The following STAM variants were observed in gnomAD, a reference collection of about 807,000 sequenced individuals.
STAM encodes signal transducing adapter molecule 1.
STAM carries 16 observed loss-of-function variants against 63.4 expected under a neutral mutation model. That is an observed-to-expected ratio of 0.25 (90% confidence interval 0.17 to 0.38). STAM has a LOEUF of 0.38. Among genes scored for constraint, STAM ranks in the 10% least tolerant of loss-of-function variants. STAM has a pLI of 1.00. For synonymous variants in STAM, 238 were observed against 223.9 expected, an observed-to-expected ratio of 1.06 and a Z score of -0.56; for missense variants, 636 against 657.1, an observed-to-expected ratio of 0.97 and a Z score of 0.35.
intron 2 of STAM, among the ~76,000 whole-genome samples, chr10:17,670,217 C>T (rs1389286254): frequency 6.6e-6 from 1 of 152,068 alleles, no homozygotes; most frequent in Non-Finnish European, 1.5e-5. Context: ...TCTTTACTTG[C>T]CTAGACAATG....
In STAM at chr10:17,689,178, C is replaced by T. The variant is rs184659172; in HGVS notation, c.444+1005C>T. On this transcript the variant is annotated intron_variant, in intron 5 of 13. Coordinates refer to ENST00000377524, the MANE Select transcript of STAM (RefSeq NM_003473.4). ...CCTATTTCTATTTTGGGTAACCTTCCTTTAGGATGCCCAACTAATCAAGAG... is the reference window on the plus strand; with the variant it reads ...CCTATTTCTATTTTGGGTAACCTTCTTTTAGGATGCCCAACTAATCAAGAG... 5.9e-3 allele frequency among the ~76,000 whole-genome samples: 891 copies of T among 152,244 alleles called. 4 individuals carry two copies. Among genetic ancestry groups the T allele is most frequent in the African/African-American group, 0.019 (791 of 41,540 alleles).
At chr10:17,672,734 C>G (rs1212608909) in intron 2 of STAM, among the ~76,000 whole-genome samples, 2 of 152,118 alleles carry the variant, frequency 1.3e-5, no homozygotes. Flanking sequence ...ATAGTTAAAT[C>G]CCTAATCAAA....
At chr10:17,665,260 T>C (rs1834329160) in intron 2 of STAM, among the ~76,000 whole-genome samples, 1 of 152,190 alleles carries the variant, frequency 6.6e-6, no homozygotes. Context: ...CATATGCATA[T>C]ATATTTATGT....
At chr10:17,663,334 A>G (rs567712141) in intron 2 of STAM, among the ~76,000 whole-genome samples, 17 of 152,216 alleles carry the variant, frequency 1.1e-4, no homozygotes, top group South Asian at 8.3e-4. Context: ...GTTTAGACAC[A>G]TGCTCATTTT....
chr10:17,692,830 A>G (rs1554826939), intron 5 of STAM, among the ~76,000 whole-genome samples: 1 of 151,964 alleles, frequency 6.6e-6, no homozygotes, highest in African/African-American at 2.4e-5. Flanking sequence ...AATAGATACT[A>G]CAGTTTTTTT....
chr10:17,672,988 A>G, intron 2 of STAM: 1 of 980,972 alleles, frequency 1.0e-6, no homozygotes, highest in South Asian at 4.7e-5. Context: ...AGGAAAAGAG[A>G]GGATGTGTCT....
At chr10:17,674,872 G>A (rs2570284) in intron 2 of STAM, among the ~76,000 whole-genome samples, 87,429 of 152,020 alleles carry the variant, frequency 0.58, 25,606 homozygotes, top group African/African-American at 0.68. Flanking sequence ...ATACCATTAG[G>A]AAAAAATAAT....
intron 1 of STAM, among the ~76,000 whole-genome samples, chr10:17,655,996 TTTC>T (rs1383655001): frequency 6.6e-6 from 1 of 152,126 alleles, no homozygotes; most frequent in Non-Finnish European, 1.5e-5. Context: ...TTTTGGTCTT[TTTC>T]TTTATCTTCC....
At chr10:17,661,837 A>C (rs1374339736) in intron 2 of STAM, among the ~76,000 whole-genome samples, 2 of 152,118 alleles carry the variant, frequency 1.3e-5, no homozygotes, top group Non-Finnish European at 2.9e-5. Context: ...CCTCCACTCT[A>C]GCTTTTTTTG....
Position 17,715,151 on chromosome 10 carries a change from G to A in STAM, c.*371G>A, listed in dbSNP as rs538924802. ...GCATTAGTGGCCATTTTGAATCACA[G>A]TGGTGATCGTGTGAATATATTTAAC... is the stretch of plus-strand genomic sequence containing the variant. On this transcript the variant is annotated 3_prime_UTR_variant, in exon 14 of 14. Transcript: ENST00000377524. 8.5e-6 allele frequency: 2 copies of A among 236,486 alleles called. No homozygotes were observed. The highest frequency in any genetic ancestry group is 1.8e-4 in the East Asian group (2 of 10,932). The allele number at this position is 236,486 out of a possible 1,614,324, so 14.6% of individuals were successfully genotyped here. A position where few individuals can be genotyped will look rare whatever the true frequency, so the allele number is the denominator to read the frequency against.
chr10:17,644,359 A>G lies in STAM; in HGVS notation c.20A>G (p.Asn7Ser), dbSNP rs1554820520. Residue 7 changes from asparagine (N) to serine (S), a missense_variant, in exon 1 of 14, where the codon AAT becomes AGT. Asn to Ser is a conservative substitution (Grantham distance 46). Coordinates refer to ENST00000377524, the MANE Select transcript of STAM (RefSeq NM_003473.4). Reference protein sequence around the residue: MPLFATNPFDQDVEKAT... With the variant: MPLFATSPFDQDVEKAT... ...GCGGAGATGCCTCTTTTTGCCACCAATCCCTTCGATCAGGATGTTGGTAAG... is the reference window on the plus strand; with the variant it reads ...GCGGAGATGCCTCTTTTTGCCACCAGTCCCTTCGATCAGGATGTTGGTAAG... 5 of 1,613,770 alleles carry G rather than the reference A, an allele frequency of 3.1e-6. No homozygotes were observed. The highest frequency in any genetic ancestry group is 2.2e-5 in the East Asian group (1 of 44,836).
chr10:17,694,956 G>A, intron 6 of STAM, 93 bp from the exon 7 acceptor site: 1 of 1,210,352 alleles, frequency 8.3e-7, no homozygotes, highest in Non-Finnish European at 1.2e-6. Flanking sequence ...ACTATTGAAG[G>A]AAGAATACCT....
intron 1 of STAM, among the ~76,000 whole-genome samples, chr10:17,656,960 A>C (rs1191019930): frequency 2.0e-5 from 3 of 152,156 alleles, no homozygotes; most frequent in African/African-American, 7.2e-5. Flanking sequence ...CTTCCCTTAG[A>C]GTGGGCGGCC....
chr10:17,662,060 A>G (rs1554822951), intron 2 of STAM, among the ~76,000 whole-genome samples: 1 of 152,126 alleles, frequency 6.6e-6, no homozygotes, highest in Admixed American at 6.5e-5. Context: ...TGCCTAGGCT[A>G]GCGAATTAAC....
At chr10:17,647,855 T>C (rs987877757) in intron 1 of STAM, among the ~76,000 whole-genome samples, 2 of 152,196 alleles carry the variant, frequency 1.3e-5, no homozygotes, top group Non-Finnish European at 1.5e-5. Context: ...ATGTTCTTAC[T>C]CTCAGCCTCT....
intron 1 of STAM, among the ~76,000 whole-genome samples, chr10:17,648,602 A>G (rs2131554179): frequency 6.6e-6 from 1 of 152,210 alleles, no homozygotes; most frequent in East Asian, 1.9e-4. Context: ...CCACAAACCC[A>G]CCAGAGGGAA....
chr10:17,674,137 A>G (rs1178253998), intron 2 of STAM, among the ~76,000 whole-genome samples: 1 of 152,174 alleles, frequency 6.6e-6, no homozygotes, highest in Non-Finnish European at 1.5e-5. Context: ...TTATTTAAAT[A>G]TGTATTATGT....
chr10:17,679,124 T>A (rs935568911), intron 2 of STAM, among the ~76,000 whole-genome samples: 1 of 152,190 alleles, frequency 6.6e-6, no homozygotes, highest in Non-Finnish European at 1.5e-5. Context: ...TTATGCTTAA[T>A]TTTTTGAGGA....
intron 12 of STAM, among the ~76,000 whole-genome samples, chr10:17,706,585 T>G (rs1460691329): frequency 6.6e-6 from 1 of 152,046 alleles, no homozygotes; most frequent in Non-Finnish European, 1.5e-5. Flanking sequence ...TTCGCCGTGT[T>G]AGCCAGGTTG....
Sources: gnomAD v4.1 joint callset for allele counts (sites outside exome capture counted in the v4.1 genomes callset) on GRCh38, gnomAD v4.1.1 for gene constraint, MANE v1.5 for transcripts, NCBI Gene and HGNC (gene_info 2026-07-23, HGNC 2026-07-21) for gene names.